Variants in CNTNAP2 observed in about 807,000 individuals in gnomAD.
CNTNAP2 encodes the protein contactin-associated protein-like 2.
A neutral mutation model predicts 155.2 loss-of-function variants in CNTNAP2; 98 were observed. That is an observed-to-expected ratio of 0.63 (90% CI 0.54 to 0.75). CNTNAP2 has a LOEUF of 0.75. Ranked by LOEUF, CNTNAP2 falls within the 30% of genes least tolerant of loss-of-function variation. The pLI, the probability that CNTNAP2 is intolerant of heterozygous loss-of-function variation, is 0.00. For synonymous variants in CNTNAP2, 651 were observed against 631.2 expected (o/e 1.03, Z -0.47); for missense variants, 1,727 against 1,688.1 (o/e 1.02, Z -0.40).
intron 4 of CNTNAP2, among the ~76,000 whole-genome samples, chr7:147,079,574 C>T (rs1315709517): frequency 6.7e-6 from 1 of 149,958 alleles, no homozygotes; most frequent in African/African-American, 2.5e-5. Context: ...TGCACATGTA[C>T]CCTAAAACTT....
chr7:147,586,322 G>T (rs902719222), intron 12 of CNTNAP2, among the ~76,000 whole-genome samples: 1 of 147,108 alleles, frequency 6.8e-6, no homozygotes. Flanking sequence ...TGTTAATGCT[G>T]GTCAGCTGGG....
chr7:146,312,412 A>AT (rs147880062), intron 1 of CNTNAP2, among the ~76,000 whole-genome samples: 2,969 of 152,168 alleles, frequency 0.02, 118 homozygotes, highest in African/African-American at 0.068. Flanking sequence ...TGTGTTGGCG[A>AT]TTTTTTATGT....
intron 1 of CNTNAP2, among the ~76,000 whole-genome samples, chr7:146,161,551 T>G (rs985861033): frequency 6.6e-6 from 1 of 152,132 alleles, no homozygotes; most frequent in Non-Finnish European, 1.5e-5. Flanking sequence ...TGCTCATGGA[T>G]AGGAAGAATC....
At chr7:147,920,196 A>G (rs1475842918) in intron 14 of CNTNAP2, among the ~76,000 whole-genome samples, 1 of 151,710 alleles carries the variant, frequency 6.6e-6, no homozygotes. Flanking sequence ...TCTCTACTAA[A>G]AATACAAAAA....
intron 18 of CNTNAP2, among the ~76,000 whole-genome samples, chr7:148,191,521 C>T (rs1795202989): frequency 6.6e-6 from 1 of 152,166 alleles, no homozygotes; most frequent in African/African-American, 2.4e-5. Flanking sequence ...TGGGTGGCTT[C>T]CAAAACAAAC....
At chr7:146,524,622 C>T (rs1797661445) in intron 1 of CNTNAP2, among the ~76,000 whole-genome samples, 2 of 152,072 alleles carry the variant, frequency 1.3e-5, no homozygotes, top group South Asian at 4.1e-4. Flanking sequence ...TCTAGGATCA[C>T]CTTGTTTTCT....
chr7:148,327,623 A>C (rs1305035970), intron 21 of CNTNAP2, among the ~76,000 whole-genome samples: 1 of 152,208 alleles, frequency 6.6e-6, no homozygotes, highest in Non-Finnish European at 1.5e-5. Flanking sequence ...CCTGAGTCAC[A>C]GGTGTTGTTA....
At chr7:148,132,272 G>A (rs527885477) in intron 16 of CNTNAP2, among the ~76,000 whole-genome samples, 2 of 152,204 alleles carry the variant, frequency 1.3e-5, no homozygotes, top group South Asian at 2.1e-4. Context: ...ATGGGGAAAC[G>A]TAAAGACTTA....
At chr7:146,514,706 G>T (rs1159978916) in intron 1 of CNTNAP2, among the ~76,000 whole-genome samples, 15 of 151,546 alleles carry the variant, frequency 9.9e-5, no homozygotes, top group African/African-American at 3.4e-4. Context: ...ATCTCATTAG[G>T]GTCAATCACT....
At position 147,497,069 on chromosome 7, in the gene CNTNAP2, C is replaced by T. The variant is rs1798722904; in HGVS notation, c.1777+11028C>T. Reference sequence around the variant, plus strand: ...TTTCCAAGAAAATTTTGATGCTTGACTTTTGGGGTATTCTCTCATCTGACT... The same window carrying T: ...TTTCCAAGAAAATTTTGATGCTTGATTTTTGGGGTATTCTCTCATCTGACT... On this transcript the variant is annotated intron_variant, in intron 11 of 23. Coordinates refer to ENST00000361727, the MANE Select transcript of CNTNAP2 (RefSeq NM_014141.6). The T allele has an allele frequency of 2.0e-5, 3 of 152,108 alleles. No individual in the cohort carries two copies. In the South Asian group the frequency reaches 6.2e-4, roughly 32 times the overall value. 9.4% of individuals were successfully genotyped at this position (152,108 alleles called of 1,614,324 possible).
At chr7:146,631,472 G>A (rs1175584050) in intron 1 of CNTNAP2, among the ~76,000 whole-genome samples, 1 of 152,062 alleles carries the variant, frequency 6.6e-6, no homozygotes, top group African/African-American at 2.4e-5. Flanking sequence ...AAGGCTTTCG[G>A]TTCTGTCCCA....
At chr7:146,297,646 A>G (rs1232195611) in intron 1 of CNTNAP2, among the ~76,000 whole-genome samples, 1 of 152,164 alleles carries the variant, frequency 6.6e-6, no homozygotes, top group Non-Finnish European at 1.5e-5. Flanking sequence ...CATGTAGGTA[A>G]TAACTATCAG....
intron 1 of CNTNAP2, among the ~76,000 whole-genome samples, chr7:146,734,314 A>G (rs949899897): frequency 6.6e-6 from 1 of 152,146 alleles, no homozygotes; most frequent in South Asian, 2.1e-4. Flanking sequence ...TAGAGAGTTA[A>G]AATTGTTTTC....
intron 16 of CNTNAP2, 93 bp downstream of exon 16, chr7:148,118,381 C>T (rs372235054): frequency 4.5e-5 from 62 of 1,370,664 alleles, no homozygotes; most frequent in East Asian, 1.4e-4. Context: ...TTGATTCAAA[C>T]GTGGAAGGTT....
chr7:147,975,526 G>A (rs540308417), intron 14 of CNTNAP2, among the ~76,000 whole-genome samples: 1 of 152,212 alleles, frequency 6.6e-6, no homozygotes, highest in South Asian at 2.1e-4. Flanking sequence ...TCTTATAGAT[G>A]CTGGAAGGGT....
intron 1 of CNTNAP2, among the ~76,000 whole-genome samples, chr7:146,243,149 A>G (rs1799590612): frequency 6.6e-6 from 1 of 152,098 alleles, no homozygotes; most frequent in Non-Finnish European, 1.5e-5. Flanking sequence ...TTGATTATTA[A>G]TCTATCAAAA....
chr7:146,502,490 T>C (rs1230631948), intron 1 of CNTNAP2, among the ~76,000 whole-genome samples: 2 of 152,000 alleles, frequency 1.3e-5, no homozygotes, highest in African/African-American at 2.4e-5. Context: ...TCTCTATTAA[T>C]TTACCTCCCC....
At chr7:148,201,930 G>A (rs1011952926) in intron 18 of CNTNAP2, among the ~76,000 whole-genome samples, 2 of 151,876 alleles carry the variant, frequency 1.3e-5, no homozygotes, top group African/African-American at 4.8e-5. Flanking sequence ...GACGCACACG[G>A]TTGTTGTTAG....
chr7:146,979,922 T>A (rs912495573), intron 3 of CNTNAP2, among the ~76,000 whole-genome samples: 2 of 152,232 alleles, frequency 1.3e-5, no homozygotes, highest in African/African-American at 4.8e-5. Context: ...ACCTAAGTCA[T>A]GTTAGGTTGG....
Sources: allele counts gnomAD v4.1 joint callset (sites outside exome capture counted in the v4.1 genomes callset), GRCh38; gene constraint gnomAD v4.1.1; transcripts MANE v1.5; gene names NCBI Gene and HGNC (gene_info 2026-07-23, HGNC 2026-07-21).